SUPT20H: variants seen among roughly 807,000 people sequenced by gnomAD.
The protein encoded by SUPT20H is transcription factor SPT20 homolog.
A neutral mutation model predicts 122.8 loss-of-function variants in SUPT20H; 82 were observed. The ratio of observed to expected loss-of-function variants is 0.67; its 90% confidence interval spans 0.56 to 0.80. The LOEUF is 0.80. Among genes scored for constraint, SUPT20H ranks in the 30% least tolerant of loss-of-function variants. SUPT20H has a pLI of 0.00. For synonymous variants in SUPT20H, 291 were observed against 313.0 expected, an observed-to-expected ratio of 0.93 and a Z score of 0.74; for missense variants, 831 against 921.6, an observed-to-expected ratio of 0.90 and a Z score of 1.27.
chr13:37,038,167 A>C (rs184961095), intron 9 of SUPT20H: 1 of 152,102 alleles, frequency 6.6e-6, no homozygotes, highest in Non-Finnish European at 1.5e-5. Flanking sequence ...TCAGATTTCT[A>C]CATTATAAAA....
At position 37,029,710 on chromosome 13, in the gene SUPT20H, G is replaced by A. The variant is rs1272952265; in HGVS notation, c.993+55C>T. The A allele has an allele frequency of 2.0e-6, 3 of 1,479,156 alleles. No homozygotes were observed. The African/African-American group carries it at 4.2e-5, about 21-fold the overall frequency. The allele number at this position is 1,479,156 out of a possible 1,614,324, so 91.6% of individuals were successfully genotyped here. On this transcript the variant is annotated intron_variant, in intron 13 of 25. Transcript: ENST00000350612. The stretch of plus-strand genomic sequence containing the variant: ...TTGCACTTTATGTTTAATAAATTCA[G>A]AGGCCAGATTAGAAATGGCATAATT...
chr13:37,054,075 T>G (rs1457115069), intron 1 of SUPT20H, among the ~76,000 whole-genome samples: 5 of 152,106 alleles, frequency 3.3e-5, no homozygotes, highest in Non-Finnish European at 7.4e-5. Context: ...CAGGAAGAAG[T>G]TGAATCTCTG....
Position 37,044,133 on chromosome 13 carries a change from T to C in SUPT20H, c.341A>G (p.Tyr114Cys), listed in dbSNP as rs751034821. The change falls in exon 7 of 26, where the codon TAT becomes TGT. Residue 114 changes from tyrosine to cysteine, a missense_variant. Transcript: ENST00000350612. ...LPYEEGELLE[Y>C]LDAEELPPIL... ...AGGAGGTAATTCTTCTGCATCCAAA[T>C]ATTCAAGCAACTCTCCTTCTTCATA... is the stretch of plus-strand genomic sequence containing the variant. 1 of 1,613,168 alleles carries C rather than the reference T, an allele frequency of 6.2e-7. No individual in the cohort carries two copies. The highest frequency in any genetic ancestry group is 1.7e-5 in the Admixed American group (1 of 59,962).
intron 19 of SUPT20H, chr13:37,023,067 T>G: frequency 1.6e-6 from 2 of 1,281,752 alleles, no homozygotes; most frequent in Non-Finnish European, 2.0e-6. Flanking sequence ...AGGAAAGAAA[T>G]GTGAATGTCC....
intron 4 of SUPT20H, 121 bp from the exon 5 acceptor site, chr13:37,047,722 T>C: frequency 8.3e-7 from 1 of 1,198,604 alleles, no homozygotes. Context: ...AAAACTGGGG[T>C]GGAGCTGAAT....
chr13:37,024,024 T>C lies in SUPT20H; in HGVS notation c.1591+11A>G. ...ATGAAGATTTAATGAAGAATTTAAGTTATGACTCACTTTGTGATGAGCTGG... is the reference window on the plus strand; with the variant it reads ...ATGAAGATTTAATGAAGAATTTAAGCTATGACTCACTTTGTGATGAGCTGG... On this transcript the variant is annotated intron_variant, in intron 19 of 25. Transcript: ENST00000350612. 3.1e-6 allele frequency: 5 copies of C among 1,593,894 alleles called. No homozygotes were observed. Among genetic ancestry groups the C allele is most frequent in the Non-Finnish European group, 4.3e-6 (5 of 1,172,534 alleles).
intron 10 of SUPT20H, among the ~76,000 whole-genome samples, 160 bp downstream of exon 10, chr13:37,033,289 C>T (rs1052314941): frequency 3.3e-5 from 5 of 151,934 alleles, no homozygotes; most frequent in Non-Finnish European, 7.4e-5. Context: ...TCACTTGAGG[C>T]CAAGAGTTTG....
intron 16 of SUPT20H, 49 bp from the exon 17 acceptor site, chr13:37,025,486 C>CACATTTATTTTAA: frequency 7.8e-7 from 1 of 1,287,764 alleles, no homozygotes; most frequent in Middle Eastern, 1.9e-4. Flanking sequence ...CTGTTTTAAA[C>CACATTTATTTTAA]ACAAATTTAT....
chr13:37,045,972 G>C (rs1343376877), intron 5 of SUPT20H, among the ~76,000 whole-genome samples: 2 of 152,030 alleles, frequency 1.3e-5, no homozygotes, highest in African/African-American at 4.8e-5. Flanking sequence ...CAAAGTCCAT[G>C]ATTTTAAAAA....
Position 37,025,421 on chromosome 13 carries a change from G to C in SUPT20H, c.1228C>G (p.Gln410Glu). 6.2e-7 allele frequency: 1 copy of C among 1,612,844 alleles called. No homozygotes were observed. Among genetic ancestry groups the C allele is most frequent in the Non-Finnish European group, 8.5e-7 (1 of 1,179,154 alleles). Reference sequence around the variant, plus strand: ...TTGGCTTCATTCTGGACTAATTCTTGGTACTGATTGACTACCCTAAAATAT... The same window carrying C: ...TTGGCTTCATTCTGGACTAATTCTTCGTACTGATTGACTACCCTAAAATAT... ...TDAERVVNQY[Q>E]ELVQNEAKCP... The change falls in exon 17 of 26, where the codon CAA (glutamine) becomes GAA (glutamate). Residue 410 changes from glutamine (Q) to glutamate (E), a missense_variant. Physicochemically the swap from Gln to Glu is conservative, Grantham distance 29. Coordinates refer to ENST00000350612, the MANE Select transcript of SUPT20H (RefSeq NM_001014286.3).
chr13:37,015,583 G>A (rs1164438303), intron 23 of SUPT20H, among the ~76,000 whole-genome samples: 1 of 152,016 alleles, frequency 6.6e-6, no homozygotes, highest in African/African-American at 2.4e-5. Context: ...GTTGTTGATG[G>A]GAATTAGGTA....
Position 37,012,173 on chromosome 13 carries a change from A to C in SUPT20H, c.2098+19T>G. The C allele has an allele frequency of 6.4e-7, 1 of 1,572,490 alleles. No individual in the cohort carries two copies. ...ATATGTTTAGTAAATTCAGCATATA[A>C]AGTTATGAAGATACCTACCAGCTGC... On this transcript the variant is annotated intron_variant, in intron 24 of 25. Coordinates refer to ENST00000350612, the MANE Select transcript of SUPT20H (RefSeq NM_001014286.3).
At chr13:37,058,494 C>T (rs376969140) in intron 1 of SUPT20H, among the ~76,000 whole-genome samples, 11 of 152,132 alleles carry the variant, frequency 7.2e-5, no homozygotes, top group Non-Finnish European at 1.3e-4. Flanking sequence ...TTTAAGATTT[C>T]TTGTCACTAA....
chr13:37,024,942 T>A lies in SUPT20H; in HGVS notation c.1329+378A>T, dbSNP rs114802825. On this transcript the variant is annotated intron_variant, in intron 17 of 25. Transcript: ENST00000350612. ...AACTGTACCCCCGCTCCTCAAAAAA[T>A]GATTCTTTTTTTTTTTTGAGATGGA... The A allele has an allele frequency of 3.2e-3, 608 of 192,202 alleles. 4 individuals are homozygous for A. The highest frequency in any genetic ancestry group is 0.014 in the African/African-American group (584 of 41,546). The allele number at this position is 192,202 out of a possible 1,614,324, so 11.9% of individuals were successfully genotyped here.
intron 2 of SUPT20H, 47 bp downstream of exon 2, chr13:37,051,441 G>A (rs755578312): frequency 1.3e-6 from 2 of 1,567,334 alleles, no homozygotes; most frequent in Admixed American, 1.7e-5. Flanking sequence ...GATGAAGGAA[G>A]AGAACATTCT....
chr13:37,048,470 C>A (rs1406967118), intron 3 of SUPT20H, 94 bp downstream of exon 3: 15 of 1,134,420 alleles, frequency 1.3e-5, no homozygotes, highest in Non-Finnish European at 5.0e-6. Flanking sequence ...TAGTAATGTG[C>A]TCCTTTAAAA....
intron 25 of SUPT20H, among the ~76,000 whole-genome samples, chr13:37,010,249 T>C (rs1025459990): frequency 1.3e-5 from 2 of 152,222 alleles, no homozygotes; most frequent in South Asian, 4.1e-4. Context: ...AGTAAAATAT[T>C]AGAAAGTTAA....
At chr13:37,029,878 A>G (rs765133826) in intron 12 of SUPT20H, 42 bp from the exon 13 acceptor site, 76 of 1,460,372 alleles carry the variant, frequency 5.2e-5, no homozygotes, top group Non-Finnish European at 6.6e-5. Flanking sequence ...AATAGAATCC[A>G]TATCAGATAA....
intron 23 of SUPT20H, chr13:37,013,159 A>G (rs2059883064): frequency 6.6e-6 from 1 of 151,268 alleles, no homozygotes; most frequent in Non-Finnish European, 1.5e-5. Flanking sequence ...ATTAGCTACA[A>G]CAATTTTGAA....
Sources: allele counts gnomAD v4.1 joint callset (sites outside exome capture counted in the v4.1 genomes callset), GRCh38; gene constraint gnomAD v4.1.1; transcripts MANE v1.5; gene names NCBI Gene and HGNC (gene_info 2026-07-23, HGNC 2026-07-21).